The following TMPRSS11A variants were observed in gnomAD, a reference collection of about 807,000 sequenced individuals.
TMPRSS11A encodes transmembrane protease serine 11A.
TMPRSS11A carries 53 observed loss-of-function variants against 58.9 expected under a neutral mutation model. The observed-to-expected ratio is 0.90, with a 90% confidence interval of 0.72 to 1.13. The LOEUF (loss-of-function observed/expected upper bound fraction) is 1.13. Among genes scored for constraint, TMPRSS11A ranks in the 50% most tolerant of loss-of-function variants. The probability of loss-of-function intolerance (pLI) is 0.00; values close to 1 mark genes in which losing one functional copy is unlikely to be tolerated. For synonymous variants in TMPRSS11A, 167 were observed against 169.8 expected, an observed-to-expected ratio of 0.98 and a Z score of 0.13; for missense variants, 493 against 499.3, an observed-to-expected ratio of 0.99 and a Z score of 0.12.
At chr4:67,914,322 C>T (rs188560219) in intron 9 of TMPRSS11A, among the ~76,000 whole-genome samples, 3 of 152,168 alleles carry the variant, frequency 2.0e-5, no homozygotes, top group Admixed American at 6.5e-5. Flanking sequence ...GAATGTGAGC[C>T]GCTTGAGAAA....
At chr4:67,930,403 C>T (rs1421785681) in intron 4 of TMPRSS11A, among the ~76,000 whole-genome samples, 1 of 152,132 alleles carries the variant, frequency 6.6e-6, no homozygotes, top group African/African-American at 2.4e-5. Context: ...ACAATTGGCC[C>T]TCTAATGACA....
intron 5 of TMPRSS11A, among the ~76,000 whole-genome samples, chr4:67,929,654 G>T (rs1720559754): frequency 6.6e-6 from 1 of 152,126 alleles, no homozygotes. Flanking sequence ...CTATATTTTG[G>T]GATGAGTGCC....
chr4:67,933,974 G>A (rs1243048242), intron 3 of TMPRSS11A, among the ~76,000 whole-genome samples: 4 of 152,156 alleles, frequency 2.6e-5, no homozygotes, highest in African/African-American at 7.2e-5. Context: ...ATCTGGCACC[G>A]TGCCTGCTAT....
chr4:67,922,620 T>C lies in TMPRSS11A; in HGVS notation c.692+135A>G. On this transcript the variant is annotated intron_variant, in intron 7 of 9. Coordinates refer to ENST00000508048, the MANE Select transcript of TMPRSS11A (RefSeq NM_001114387.2). Reference sequence around the variant, plus strand: ...GATTAAGTATGCAAGTGTAACATTATTTTAGAAAAGAACCTGAAATAACTT... The same window carrying C: ...GATTAAGTATGCAAGTGTAACATTACTTTAGAAAAGAACCTGAAATAACTT... 3.6e-6 allele frequency: 3 copies of C among 844,000 alleles called. No individual in the cohort carries two copies. In the South Asian group the frequency reaches 6.3e-5, roughly 18 times the overall value. 52.3% of individuals were successfully genotyped at this position (844,000 alleles called of 1,614,324 possible).
At chr4:67,921,446 G>A (rs1219194236) in intron 7 of TMPRSS11A, among the ~76,000 whole-genome samples, 2 of 152,084 alleles carry the variant, frequency 1.3e-5, no homozygotes, top group African/African-American at 4.8e-5. Flanking sequence ...GGATCCTCCT[G>A]CGTTAGCCTC....
intron 8 of TMPRSS11A, 149 bp from the exon 9 acceptor site, chr4:67,914,879 G>T: frequency 1.8e-6 from 1 of 568,644 alleles, no homozygotes; most frequent in Non-Finnish European, 2.9e-6. Flanking sequence ...AAGAATTTCT[G>T]GTTAAATCTG....
At chr4:67,925,488 T>C (rs1720442714) in intron 5 of TMPRSS11A, among the ~76,000 whole-genome samples, 1 of 152,212 alleles carries the variant, frequency 6.6e-6, no homozygotes, top group Non-Finnish European at 1.5e-5. Flanking sequence ...TTCATTCTAC[T>C]AACTTTCTAC....
At chr4:67,916,472 TACACACACAC>T (rs34678013) in intron 8 of TMPRSS11A, among the ~76,000 whole-genome samples, 72 of 150,056 alleles carry the variant, frequency 4.8e-4, no homozygotes, top group East Asian at 3.9e-3. Context: ...ATATATATTA[TACACACACAC>T]ACACACACAC....
In TMPRSS11A at chr4:67,946,559, A is replaced by G; in HGVS notation, c.24T>C (p.Phe8=). 7 of 1,611,592 alleles carry G rather than the reference A, an allele frequency of 4.3e-6. No individual in the cohort carries two copies. The highest frequency in any genetic ancestry group is 5.9e-6 in the Non-Finnish European group (7 of 1,178,906). The part of the protein sequence containing the change: MMYRTVG[F]GTRSRNLKPW... ...GCTTCAGATTTCTGCTTCGGGTGCCAAATCCCACTGTCCTGAGAAAAGGAA... is the reference window on the plus strand; with the variant it reads ...GCTTCAGATTTCTGCTTCGGGTGCCGAATCCCACTGTCCTGAGAAAAGGAA... Residue 8 remains phenylalanine (F), a synonymous_variant, in exon 2 of 10, where the codon TTT becomes TTC. Transcript: ENST00000508048.
At chr4:67,952,887 C>T (rs1721197040) in intron 1 of TMPRSS11A, among the ~76,000 whole-genome samples, 1 of 152,098 alleles carries the variant, frequency 6.6e-6, no homozygotes, top group Admixed American at 6.6e-5. Context: ...AGAGGTTTCA[C>T]ACATTCAGAT....
At chr4:67,920,550 T>TATATATATATA (rs374550125) in intron 7 of TMPRSS11A, among the ~76,000 whole-genome samples, 756 of 58,450 alleles carry the variant, frequency 0.013, 5 homozygotes, top group East Asian at 0.065. Flanking sequence ...TATATATATA[T>TATATATATATA]TTTTTTTTAT....
At chr4:67,932,785 G>T (rs1185251759) in intron 3 of TMPRSS11A, among the ~76,000 whole-genome samples, 2 of 151,978 alleles carry the variant, frequency 1.3e-5, no homozygotes, top group Non-Finnish European at 2.9e-5. Context: ...GGGTAAATCA[G>T]GGAGGAAAAA....
chr4:67,931,538 C>T (rs1720620063), intron 4 of TMPRSS11A, among the ~76,000 whole-genome samples: 1 of 152,188 alleles, frequency 6.6e-6, no homozygotes, highest in African/African-American at 2.4e-5. Flanking sequence ...TTTGTTTAGG[C>T]ATGCCTTATG....
At chr4:67,961,516 T>TG in intron 1 of TMPRSS11A, among the ~76,000 whole-genome samples, 1 of 29,350 alleles carries the variant, frequency 3.4e-5, no homozygotes, top group Non-Finnish European at 6.4e-5. Context: ...TTTTTTTTTT[T>TG]TTTTTTTTTT....
intron 1 of TMPRSS11A, among the ~76,000 whole-genome samples, chr4:67,959,999 A>G (rs921142559): frequency 6.6e-6 from 1 of 152,216 alleles, no homozygotes; most frequent in African/African-American, 2.4e-5. Context: ...TAAAAAATGT[A>G]TGTCCTTTGC....
rs1284201511 is a variant in TMPRSS11A, at chr4:67,920,083, T to C, written c.693-851A>G. Among the ~76,000 whole-genome samples the C allele has an allele frequency of 2.0e-5, 3 of 152,184 alleles. No individual in the cohort carries two copies. The East Asian group carries it at 5.8e-4, about 29-fold the overall frequency. Reference sequence around the variant, plus strand: ...TGGTAAAGTCTATTAGATGACTGCATAGTCCTTTGAGAGATGATCAAATGT... The same window carrying C: ...TGGTAAAGTCTATTAGATGACTGCACAGTCCTTTGAGAGATGATCAAATGT... On this transcript the variant is annotated intron_variant, in intron 7 of 9. Transcript: ENST00000508048.
Position 67,910,235 on chromosome 4 carries a change from A to T in TMPRSS11A, c.*1107T>A, listed in dbSNP as rs1301471422. 6.6e-6 allele frequency: 1 copy of T among 152,022 alleles called. No individual in the cohort carries two copies. Among genetic ancestry groups the T allele is most frequent in the Non-Finnish European group, 1.5e-5 (1 of 67,902 alleles). 9.4% of individuals were successfully genotyped at this position (152,022 alleles called of 1,614,324 possible). A position where few individuals can be genotyped will look rare whatever the true frequency, so the allele number is the denominator to read the frequency against. On this transcript the variant is annotated 3_prime_UTR_variant, in exon 10 of 10. Transcript: ENST00000508048. ...CAAAAGAGAAAACATACTATATGTT[A>T]TATGTTATAGCCCCATGTGTTATAT...
chr4:67,938,956 G>T (rs1227822912), intron 3 of TMPRSS11A, among the ~76,000 whole-genome samples: 2 of 151,436 alleles, frequency 1.3e-5, no homozygotes, highest in African/African-American at 4.9e-5. Context: ...GGAAAATTAT[G>T]TTGGTAGTTT....
intron 9 of TMPRSS11A, among the ~76,000 whole-genome samples, chr4:67,913,660 T>TAAAA (rs1475983908): frequency 1.3e-5 from 2 of 152,194 alleles, no homozygotes; most frequent in Non-Finnish European, 2.9e-5. Flanking sequence ...TTGGAATCCC[T>TAAAA]AAATTCTGCC....
Sources: allele counts gnomAD v4.1 joint callset (sites outside exome capture counted in the v4.1 genomes callset), GRCh38; gene constraint gnomAD v4.1.1; transcripts MANE v1.5; gene names NCBI Gene and HGNC (gene_info 2026-07-23, HGNC 2026-07-21).